Variants in PHKG1 observed in about 807,000 individuals in gnomAD.
The protein encoded by PHKG1 is phosphorylase kinase catalytic subunit gamma 1, also known as phosphorylase b kinase gamma catalytic chain, skeletal muscle/heart isoform.
In PHKG1, 48 loss-of-function variants were observed where a neutral mutation model predicts 50.5. The observed-to-expected ratio is 0.95, with a 90% CI of 0.75 to 1.21. PHKG1 has a LOEUF of 1.21. Among genes scored for constraint, PHKG1 ranks in the 50% most tolerant of loss-of-function variants. The pLI is 0.00. For synonymous variants in PHKG1, 204 were observed against 212.8 expected (o/e 0.96, Z 0.36); for missense variants, 487 against 519.5 (o/e 0.94, Z 0.61).
Position 56,081,486 on chromosome 7 carries a change from C to G in PHKG1, c.918+144G>C. On this transcript the variant is annotated intron_variant, in intron 9 of 9. Coordinates refer to ENST00000297373, the MANE Select transcript of PHKG1 (RefSeq NM_006213.5). This position sits in a 1 kb window ranked among gnomAD's most constrained non-coding sequence, Gnocchi z 4.6. The stretch of plus-strand genomic sequence containing the variant: ...ACCGAGCCAGTGGGCTGACACCTGC[C>G]GTCTTTGAAGCCATCACAGGGCAGC... The G allele has an allele frequency of 8.1e-7, 1 of 1,234,378 alleles. No individual in the cohort carries two copies. The highest frequency in any genetic ancestry group is 2.0e-5 in the Admixed American group (1 of 49,096). 76.5% of individuals were successfully genotyped at this position (1,234,378 alleles called of 1,614,324 possible).
rs890363610 is a variant in PHKG1 at position 56,092,950 on chromosome 7, T to C, written c.-149A>G. ...CCGAGCAGACACTTGGAAGATATCA[T>C]CTGCTGTTGTTTTGGGTTTTGCTAT... is the stretch of plus-strand genomic sequence containing the variant. On this transcript the variant is annotated 5_prime_UTR_variant, in exon 1 of 10. It removes an upstream start codon present in the reference 5' UTR. Coordinates refer to ENST00000297373, the MANE Select transcript of PHKG1 (RefSeq NM_006213.5). 1.3e-5 allele frequency: 2 copies of C among 152,216 alleles called. No homozygotes were observed. Among genetic ancestry groups the C allele is most frequent in the African/African-American group, 4.8e-5 (2 of 41,454 alleles). 9.4% of individuals were successfully genotyped at this position (152,216 alleles called of 1,614,324 possible).
chr7:56,083,693 C>A lies in PHKG1; in HGVS notation c.340G>T (p.Asp114Tyr), dbSNP rs780502081. 1.9e-6 allele frequency: 3 copies of A among 1,582,712 alleles called. No homozygotes were observed. The African/African-American group carries it at 4.0e-5, about 21-fold the overall frequency. ...AAGGTGACCTTCTCAGTGAGGTAGT[C>A]AAAGAGCTCCCCTCTCTTCATCCTG... ...FDLMKRGELF[D>Y]YLTEKVTLSE... The change falls in exon 5 of 10, where the codon GAC becomes TAC. Residue 114 changes from aspartate to tyrosine, a missense_variant. Asp to Tyr is a radical substitution (Grantham distance 160). Coordinates refer to ENST00000297373, the MANE Select transcript of PHKG1 (RefSeq NM_006213.5).
intron 2 of PHKG1, chr7:56,088,644 A>C: frequency 2.1e-6 from 1 of 477,152 alleles, no homozygotes; most frequent in Non-Finnish European, 3.8e-6. Context: ...GGTGTGAGCC[A>C]TTGCGCCTGC....
At chr7:56,086,042 A>G (rs1203681905) in intron 4 of PHKG1, among the ~76,000 whole-genome samples, 1 of 150,268 alleles carries the variant, frequency 6.7e-6, no homozygotes, top group Non-Finnish European at 1.5e-5. Context: ...ACTCCTTACT[A>G]TGGCTAAAAT....
chr7:56,090,275 C>T (rs749835575), intron 1 of PHKG1, among the ~76,000 whole-genome samples: 2 of 152,112 alleles, frequency 1.3e-5, no homozygotes, highest in Admixed American at 6.6e-5. Flanking sequence ...ACCACCATGC[C>T]TGGCTAATTT....
In PHKG1 at chr7:56,088,971, T is replaced by TG; in HGVS notation, c.-31dup. 6.5e-7 allele frequency: 1 copy of TG among 1,533,270 alleles called. No individual in the cohort carries two copies. The highest frequency in any genetic ancestry group is 9.0e-7 in the Non-Finnish European group (1 of 1,107,926). The allele number at this position is 1,533,270 out of a possible 1,614,324, so 95.0% of individuals were successfully genotyped here. On this transcript the variant is annotated 5_prime_UTR_variant, in exon 2 of 10. The change abolishes the stop of an existing upstream ORF in the 5' untranslated region. Coordinates refer to ENST00000297373, the MANE Select transcript of PHKG1 (RefSeq NM_006213.5). ...AGATCTTCAGTGAGGGAACTCTGGG[T>TG]GGCTCTGAGAGGGGAAAAGAAAGAA...
chr7:56,090,621 A>G (rs1038305714), intron 1 of PHKG1, among the ~76,000 whole-genome samples: 4 of 152,054 alleles, frequency 2.6e-5, no homozygotes, highest in Non-Finnish European at 4.4e-5. Flanking sequence ...CCACTAGATT[A>G]TCATCTCTAG....
chr7:56,092,068 G>C (rs1269605521), intron 1 of PHKG1, among the ~76,000 whole-genome samples: 2 of 152,224 alleles, frequency 1.3e-5, no homozygotes, highest in African/African-American at 2.4e-5. Flanking sequence ...TGAGATGCCA[G>C]CCTAGGCGCA....
At chr7:56,087,960 G>C (rs1291963333) in intron 2 of PHKG1, among the ~76,000 whole-genome samples, 184 bp from the exon 3 acceptor site, 2 of 150,618 alleles carry the variant, frequency 1.3e-5, no homozygotes, top group Non-Finnish European at 2.9e-5. Context: ...GCCCAGAACT[G>C]GTGAGTAACA....
intron 3 of PHKG1, 148 bp from the exon 4 acceptor site, chr7:56,087,172 G>C (rs1409097495): frequency 3.1e-6 from 2 of 651,974 alleles, no homozygotes; most frequent in Non-Finnish European, 5.6e-6. Flanking sequence ...CGTCAACCTG[G>C]GATGTGGGCA....
intron 3 of PHKG1, among the ~76,000 whole-genome samples, chr7:56,087,267 G>A (rs1236078475): frequency 6.6e-6 from 1 of 150,734 alleles, no homozygotes; most frequent in Non-Finnish European, 1.5e-5. Flanking sequence ...TCTCACCCAG[G>A]CTGGAGTGTA....
chr7:56,081,957 A>G lies in PHKG1; in HGVS notation c.728T>C (p.Met243Thr), dbSNP rs757583640. Residue 243 changes from methionine to threonine, a missense_variant, in exon 8 of 10, where the codon ATG becomes ACG. Transcript: ENST00000297373. The surrounding 1 kb of genome is among the most constrained non-coding windows in gnomAD (Gnocchi z 4.6). ...CGAGCCAAACTGGTAGTTGCCGCTCATGATCATCCTCAGCATCAGCATCTG... is the reference window on the plus strand; with the variant it reads ...CGAGCCAAACTGGTAGTTGCCGCTCGTGATCATCCTCAGCATCAGCATCTG... ...RKQMLMLRMIMSGNYQFGSPE... is the reference protein window; with the variant it reads ...RKQMLMLRMITSGNYQFGSPE... 73 of 1,613,844 alleles carry G rather than the reference A, an allele frequency of 4.5e-5. No individual in the cohort carries two copies. Among genetic ancestry groups the G allele is most frequent in the Non-Finnish European group, 5.9e-5 (70 of 1,180,032 alleles).
Position 56,088,879 on chromosome 7 carries a change from C to A in PHKG1, c.63G>T (p.Glu21Asp). 6.2e-7 allele frequency: 1 copy of A among 1,613,178 alleles called. No individual in the cohort carries two copies. Among genetic ancestry groups the A allele is most frequent in the South Asian group, 1.1e-5 (1 of 91,038 alleles). The change falls in exon 2 of 10, where the codon GAG becomes GAT. Residue 21 changes from glutamate to aspartate, a missense_variant. Glu to Asp is a conservative substitution (Grantham distance 45, BLOSUM62 2). Coordinates refer to ENST00000297373, the MANE Select transcript of PHKG1 (RefSeq NM_006213.5). Reference protein sequence around the residue: ...HSAQDFYENYEPKEILGRGVS... With the variant: ...HSAQDFYENYDPKEILGRGVS... ...TTTACCTGCCCAGGATCTCTTTGGGCTCATAATTCTCATAGAAGTCCTGTG... is the reference window on the plus strand; with the variant it reads ...TTTACCTGCCCAGGATCTCTTTGGGATCATAATTCTCATAGAAGTCCTGTG...
Position 56,081,444 on chromosome 7 carries a change from G to T in PHKG1, c.919-145C>A. ...TCCTAGTGTCCCCCACTTCCCACTT[G>T]GCCAGCATCCTCAGGGACCGAGCCA... On this transcript the variant is annotated intron_variant, in intron 9 of 9. Coordinates refer to ENST00000297373, the MANE Select transcript of PHKG1 (RefSeq NM_006213.5). The surrounding 1 kb of genome is among the most constrained non-coding windows in gnomAD (Gnocchi z 4.6). 7.7e-7 allele frequency: 1 copy of T among 1,291,744 alleles called. No homozygotes were observed. The highest frequency in any genetic ancestry group is 2.4e-5 in the East Asian group (1 of 41,512). The allele number at this position is 1,291,744 out of a possible 1,614,324, so 80.0% of individuals were successfully genotyped here.
intron 4 of PHKG1, among the ~76,000 whole-genome samples, chr7:56,086,158 CCT>C (rs1243190436): frequency 6.6e-6 from 1 of 151,460 alleles, no homozygotes; most frequent in Non-Finnish European, 1.5e-5. Context: ...TAAGGAAGCC[CCT>C]GTCTCTTGCT....
chr7:56,081,775 G>A lies in PHKG1; in HGVS notation c.793-20C>T. 1 of 1,579,668 alleles carries A rather than the reference G, an allele frequency of 6.3e-7. No individual in the cohort carries two copies. Among genetic ancestry groups the A allele is most frequent in the South Asian group, 1.1e-5 (1 of 88,914 alleles). Reference sequence around the variant, plus strand: ...GGAGACCTGTGAGAGGAGGAGAGGGGAACCGAGAATGTCAAGGCAGGTCCC... The same window carrying A: ...GGAGACCTGTGAGAGGAGGAGAGGGAAACCGAGAATGTCAAGGCAGGTCCC... On this transcript the variant is annotated intron_variant, in intron 8 of 9. Transcript: ENST00000297373. This position sits in a 1 kb window ranked among gnomAD's most constrained non-coding sequence, Gnocchi z 4.6.
chr7:56,082,775 C>T (rs1371081495), intron 6 of PHKG1, among the ~76,000 whole-genome samples: 1 of 152,084 alleles, frequency 6.6e-6, no homozygotes, highest in Non-Finnish European at 1.5e-5. Flanking sequence ...TGGCCTGGAA[C>T]AAGGGTAATG....
rs749522222 is a variant in PHKG1 at position 56,083,417 on chromosome 7, C to T, written c.408G>A (p.Glu136=). The stretch of plus-strand genomic sequence containing the variant: ...TGAGTTTGTGCAAGGTGCAGATCAC[C>T]TCCAGCAGAGCTCGCATGATCTTTC... ...ETRKIMRALL[E]VICTLHKLNI... is the part of the protein sequence containing the mutation. Residue 136 remains glutamate (E), a synonymous_variant, in exon 6 of 10, where the codon GAG becomes GAA. Transcript: ENST00000297373. The T allele has an allele frequency of 2.2e-5, 35 of 1,614,212 alleles. 1 individual carries two copies. The highest frequency in any genetic ancestry group is 5.9e-6 in the Non-Finnish European group (7 of 1,180,044).
chr7:56,088,936 G>T lies in PHKG1; in HGVS notation c.6C>A (p.Thr2=). The T allele has an allele frequency of 6.2e-7, 1 of 1,612,182 alleles. No homozygotes were observed. Among genetic ancestry groups the T allele is most frequent in the Non-Finnish European group, 8.5e-7 (1 of 1,178,474 alleles). Residue 2 remains threonine (T), a synonymous_variant, in exon 2 of 10, where the codon ACC becomes ACA. Coordinates refer to ENST00000297373, the MANE Select transcript of PHKG1 (RefSeq NM_006213.5). M[T]RDEALPDSHS... Reference sequence around the variant, plus strand: ...GAGAGTCCGGCAGTGCCTCGTCCCGGGTCATGCTCAGATCTTCAGTGAGGG... The same window carrying T: ...GAGAGTCCGGCAGTGCCTCGTCCCGTGTCATGCTCAGATCTTCAGTGAGGG...
Sources: gnomAD v4.1 joint callset for allele counts (sites outside exome capture counted in the v4.1 genomes callset) on GRCh38, gnomAD v4.1.1 for gene constraint, Gnocchi (gnomAD v3.1) non-coding constraint, MANE v1.5 for transcripts, NCBI Gene and HGNC (gene_info 2026-07-23, HGNC 2026-07-21) for gene names.